Variants in KIRREL3 observed in about 807,000 individuals in gnomAD.
KIRREL3 encodes kin of IRRE-like protein 3.
In KIRREL3, 36 loss-of-function variants were observed where a neutral mutation model predicts 89.7. The ratio of observed to expected loss-of-function variants is 0.40; its 90% CI spans 0.31 to 0.53. KIRREL3 has a LOEUF of 0.53. Among genes scored for constraint, KIRREL3 ranks in the 20% least tolerant of loss-of-function variants. The probability of loss-of-function intolerance (pLI) is 0.49; values close to 1 mark genes in which losing one functional copy is unlikely to be tolerated. For synonymous variants in KIRREL3, 445 were observed against 441.4 expected, an observed-to-expected ratio of 1.01 and a Z score of -0.10; for missense variants, 864 against 1,056.6, an observed-to-expected ratio of 0.82 and a Z score of 2.53.
rs918585421 is a variant in KIRREL3, at chr11:126,837,315, T to G, written c.55+163140A>C. Among the ~76,000 whole-genome samples, 1 of 152,248 alleles carries G rather than the reference T, an allele frequency of 6.6e-6. No homozygotes were observed. The highest frequency in any genetic ancestry group is 1.5e-5 in the Non-Finnish European group (1 of 68,044). On this transcript the variant is annotated intron_variant, in intron 1 of 16. Coordinates refer to ENST00000525144, the MANE Select transcript of KIRREL3 (RefSeq NM_032531.4). The surrounding 1 kb of genome is among the most constrained non-coding windows in gnomAD (Gnocchi z 4.7). ...CAGCTAGTAAATGTTCAATACAAAT[T>G]AATCTCCTTTCTTTTTCCTTGAGTA...
chr11:126,886,616 A>G (rs897718980), intron 1 of KIRREL3, among the ~76,000 whole-genome samples: 6 of 152,188 alleles, frequency 3.9e-5, no homozygotes, highest in African/African-American at 1.2e-4. Context: ...TGATCTCTCA[A>G]TTATAGTTAG....
rs1341443159 is a variant in KIRREL3 at position 126,686,962 on chromosome 11, A to T, written c.56-124050T>A. Among the ~76,000 whole-genome samples the T allele has an allele frequency of 6.6e-6, 1 of 152,216 alleles. No homozygotes were observed. Among genetic ancestry groups the T allele is most frequent in the Non-Finnish European group, 1.5e-5 (1 of 68,034 alleles). On this transcript the variant is annotated intron_variant, in intron 1 of 16. Coordinates refer to ENST00000525144, the MANE Select transcript of KIRREL3 (RefSeq NM_032531.4). This position sits in a 1 kb window ranked among gnomAD's most constrained non-coding sequence, Gnocchi z 4.7. The stretch of plus-strand genomic sequence containing the variant: ...GGTCACATTGAGAAGAGTCAAATTC[A>T]GAAGGCCTGACAGAGATGACATCCC...
chr11:126,425,191 G>C (rs1010534129), intron 16 of KIRREL3, among the ~76,000 whole-genome samples, 168 bp from the exon 17 acceptor site: 5 of 152,164 alleles, frequency 3.3e-5, no homozygotes, highest in African/African-American at 1.2e-4. Flanking sequence ...TGCAGGGAAG[G>C]TGCAGGGGAA....
intron 1 of KIRREL3, among the ~76,000 whole-genome samples, chr11:126,602,075 T>C (rs1182744457): frequency 1.3e-5 from 2 of 152,236 alleles, no homozygotes; most frequent in Admixed American, 6.5e-5. Context: ...GTTTGTTTAC[T>C]GAGAGGAGGA....
At chr11:126,798,536 G>A (rs1248517815) in intron 1 of KIRREL3, among the ~76,000 whole-genome samples, 4 of 152,234 alleles carry the variant, frequency 2.6e-5, no homozygotes, top group African/African-American at 9.6e-5. Context: ...GGGTTTCCTT[G>A]TGCTGGCTTT....
rs1365749660 is a variant in KIRREL3, at chr11:126,519,871, G to A, written c.433+1444C>T. ...CCGTCTTGGGAGAAATGAGAACGGC[G>A]CTGCTGCCTTTAATACCCCAATTAC... is the stretch of plus-strand genomic sequence containing the variant. On this transcript the variant is annotated intron_variant, in intron 4 of 16. Coordinates refer to ENST00000525144, the MANE Select transcript of KIRREL3 (RefSeq NM_032531.4). This position sits in a 1 kb window ranked among gnomAD's most constrained non-coding sequence, Gnocchi z 4.3. Among the ~76,000 whole-genome samples the A allele has an allele frequency of 6.6e-6, 1 of 152,144 alleles. No homozygotes were observed. Among genetic ancestry groups the A allele is most frequent in the African/African-American group, 2.4e-5 (1 of 41,424 alleles).
At position 126,523,660 on chromosome 11, in the gene KIRREL3, TC is replaced by T. The variant is rs1218550806; in HGVS notation, c.284-2197del. 3.3e-5 allele frequency among the ~76,000 whole-genome samples: 5 copies of T among 151,716 alleles called. No homozygotes were observed. The highest frequency in any genetic ancestry group is 4.4e-5 in the Non-Finnish European group (3 of 67,950). On this transcript the variant is annotated intron_variant, in intron 3 of 16. Coordinates refer to ENST00000525144, the MANE Select transcript of KIRREL3 (RefSeq NM_032531.4). The surrounding 1 kb of genome is among the most constrained non-coding windows in gnomAD (Gnocchi z 4.9). ...ATGAGCCCAGGTAAGTTAAGCTGTC[TC>T]CCCCCAGGGCCAGGAGAGGGGCTGG... is the stretch of plus-strand genomic sequence containing the variant.
At position 126,686,221 on chromosome 11, in the gene KIRREL3, G is replaced by A. The variant is rs1009120475; in HGVS notation, c.56-123309C>T. 2.0e-5 allele frequency among the ~76,000 whole-genome samples: 3 copies of A among 152,192 alleles called. No homozygotes were observed. The highest frequency in any genetic ancestry group is 3.9e-4 in the East Asian group (2 of 5,188). On this transcript the variant is annotated intron_variant, in intron 1 of 16. Coordinates refer to ENST00000525144, the MANE Select transcript of KIRREL3 (RefSeq NM_032531.4). The surrounding 1 kb of genome is among the most constrained non-coding windows in gnomAD (Gnocchi z 4.7). ...ACCTGCAGGGGCTTTCTCACGTGTG[G>A]CGCGGGTGTGGAGGCAGGTCTCCAT...
chr11:126,431,614 C>G lies in KIRREL3; in HGVS notation c.1589-88G>C. On this transcript the variant is annotated intron_variant, in intron 13 of 16. Transcript: ENST00000525144. The surrounding 1 kb of genome is among the most constrained non-coding windows in gnomAD (Gnocchi z 7.1). ...TCTCACCCCGTTCCTGCGGGGGCAGCCCCTGCCACATGGGGCCCTCCTGGG... is the reference window on the plus strand; with the variant it reads ...TCTCACCCCGTTCCTGCGGGGGCAGGCCCTGCCACATGGGGCCCTCCTGGG... 1 of 1,330,352 alleles carries G rather than the reference C, an allele frequency of 7.5e-7. No homozygotes were observed. Among genetic ancestry groups the G allele is most frequent in the Non-Finnish European group, 1.0e-6 (1 of 961,076 alleles). 82.4% of individuals were successfully genotyped at this position (1,330,352 alleles called of 1,614,324 possible). A position where few individuals can be genotyped will look rare whatever the true frequency, so the allele number is the denominator to read the frequency against.
At chr11:126,822,458 G>A (rs1943257520) in intron 1 of KIRREL3, among the ~76,000 whole-genome samples, 2 of 148,162 alleles carry the variant, frequency 1.3e-5, no homozygotes, top group African/African-American at 5.0e-5. Context: ...TGCCCTTTTA[G>A]GCTTTGCCCA....
At chr11:126,467,567 T>G (rs1956766136) in intron 5 of KIRREL3, among the ~76,000 whole-genome samples, 1 of 151,894 alleles carries the variant, frequency 6.6e-6, no homozygotes, top group Non-Finnish European at 1.5e-5. Flanking sequence ...AGTAGCCTGA[T>G]TGCCTGGCAG....
rs1438944579 is a variant in KIRREL3 at position 126,501,890 on chromosome 11, G to T, written c.433+19425C>A. ...AAACATCGATACCAGTGACTTACAT[G>T]CACCCAGGTGCCAAGGTAAGCACGG... is the stretch of plus-strand genomic sequence containing the variant. On this transcript the variant is annotated intron_variant, in intron 4 of 16. Transcript: ENST00000525144. The surrounding 1 kb of genome is among the most constrained non-coding windows in gnomAD (Gnocchi z 5.8). Among the ~76,000 whole-genome samples, 2 of 152,144 alleles carry T rather than the reference G, an allele frequency of 1.3e-5. No homozygotes were observed. Among genetic ancestry groups the T allele is most frequent in the East Asian group, 3.9e-4 (2 of 5,180 alleles).
Position 126,611,631 on chromosome 11 carries a change from C to T in KIRREL3, c.56-48719G>A, listed in dbSNP as rs1017374262. Among the ~76,000 whole-genome samples, 2 of 152,184 alleles carry T rather than the reference C, an allele frequency of 1.3e-5. No individual in the cohort carries two copies. Among genetic ancestry groups the T allele is most frequent in the Non-Finnish European group, 2.9e-5 (2 of 68,038 alleles). On this transcript the variant is annotated intron_variant, in intron 1 of 16. Coordinates refer to ENST00000525144, the MANE Select transcript of KIRREL3 (RefSeq NM_032531.4). The surrounding 1 kb of genome is among the most constrained non-coding windows in gnomAD (Gnocchi z 4.7). ...AGGTGGCTGTCATGTCATTTGTCCACGTTTGCATTCCCGTGCCCTCCCCAC... is the reference window on the plus strand; with the variant it reads ...AGGTGGCTGTCATGTCATTTGTCCATGTTTGCATTCCCGTGCCCTCCCCAC...
Position 126,796,446 on chromosome 11 carries a change from T to C in KIRREL3, c.55+204009A>G, listed in dbSNP as rs1235383169. 2.0e-5 allele frequency among the ~76,000 whole-genome samples: 3 copies of C among 152,118 alleles called. No individual in the cohort carries two copies. The highest frequency in any genetic ancestry group is 4.4e-5 in the Non-Finnish European group (3 of 68,034). Reference sequence around the variant, plus strand: ...GGCTGAAGGAGGGGACGCGCAGTTGTGGGTAACTGGCCTTCACCTTAAATA... The same window carrying C: ...GGCTGAAGGAGGGGACGCGCAGTTGCGGGTAACTGGCCTTCACCTTAAATA... On this transcript the variant is annotated intron_variant, in intron 1 of 16. Transcript: ENST00000525144. This position sits in a 1 kb window ranked among gnomAD's most constrained non-coding sequence, Gnocchi z 5.1.
chr11:126,580,031 G>A (rs1424414805), intron 1 of KIRREL3, among the ~76,000 whole-genome samples: 1 of 152,042 alleles, frequency 6.6e-6, no homozygotes, highest in Non-Finnish European at 1.5e-5. Flanking sequence ...ATTTTTAGTA[G>A]AGACGGGGTT....
At chr11:126,939,222 C>T (rs1208043992) in intron 1 of KIRREL3, among the ~76,000 whole-genome samples, 4 of 152,220 alleles carry the variant, frequency 2.6e-5, no homozygotes, top group Non-Finnish European at 5.9e-5. Flanking sequence ...GCTTTCTCTT[C>T]ACCAGAAGCA....
At chr11:126,835,308 G>C (rs1565338305) in intron 1 of KIRREL3, among the ~76,000 whole-genome samples, 1 of 152,166 alleles carries the variant, frequency 6.6e-6, no homozygotes, top group African/African-American at 2.4e-5. Context: ...TGGATGCTAA[G>C]GTATAGCCAA....
intron 1 of KIRREL3, among the ~76,000 whole-genome samples, chr11:126,960,751 A>T (rs565565497): frequency 1.3e-5 from 2 of 152,074 alleles, no homozygotes; most frequent in East Asian, 1.9e-4. Context: ...TTTCACTTAC[A>T]TGCACACCTT....
In KIRREL3 at chr11:126,981,208, G is replaced by A. The variant is rs1939996; in HGVS notation, c.55+19247C>T. On this transcript the variant is annotated intron_variant, in intron 1 of 16. Transcript: ENST00000525144. This position sits in a 1 kb window ranked among gnomAD's most constrained non-coding sequence, Gnocchi z 4.2. ...AGACAAAAGAAGGAAAGCATGGCCC[G>A]TTGGACCACAGCAAGACCTTCTTAT... 0.16 allele frequency among the ~76,000 whole-genome samples: 24,254 copies of A among 152,130 alleles called. 2,152 individuals carry two copies. Among genetic ancestry groups the A allele is most frequent in the African/African-American group, 0.25 (10,267 of 41,462 alleles).
Sources: allele counts gnomAD v4.1 joint callset (sites outside exome capture counted in the v4.1 genomes callset), GRCh38; gene constraint gnomAD v4.1.1; non-coding constraint Gnocchi (gnomAD v3.1); transcripts MANE v1.5; gene names NCBI Gene and HGNC (gene_info 2026-07-23, HGNC 2026-07-21).